DNAH6: variants seen among roughly 807,000 people sequenced by gnomAD.
DNAH6 encodes the protein axonemal beta dynein heavy chain 6.
Under a neutral mutation model 491.4 loss-of-function variants are expected in DNAH6, and 340 were observed. The observed-to-expected ratio is 0.69, with a 90% CI of 0.63 to 0.76. DNAH6 has a LOEUF of 0.76. Among genes scored for constraint, DNAH6 ranks in the 30% least tolerant of loss-of-function variants. The pLI is 0.00. For missense variants in DNAH6, 4,443 were observed against 4,972.2 expected (o/e 0.89, Z 3.20); for synonymous variants, 1,603 against 1,686.1 (o/e 0.95, Z 1.21).
rs570646522 is a variant in DNAH6 at position 84,681,695 on chromosome 2, A to G, written c.6916+167A>G. On this transcript the variant is annotated intron_variant, in intron 42 of 76. Coordinates refer to ENST00000389394, the MANE Select transcript of DNAH6 (RefSeq NM_001370.2). ...GCTTCACAACTATTTCACATGGCCA[A>G]CACTGCCTCCCATTTCTCACTCCCA... Among the ~76,000 whole-genome samples, 52 of 151,944 alleles carry G rather than the reference A, an allele frequency of 3.4e-4. No individual in the cohort carries two copies. In the South Asian group the frequency reaches 7.5e-3, roughly 22 times the overall value.
Position 84,704,090 on chromosome 2 carries a change from T to G in DNAH6, c.8253T>G (p.Asp2751Glu), listed in dbSNP as rs1484457981. 6.4e-7 allele frequency: 1 copy of G among 1,551,746 alleles called. No homozygotes were observed. Among genetic ancestry groups the G allele is most frequent in the South Asian group, 1.2e-5 (1 of 84,064 alleles). ...ADQVRNTVQE[D>E]EATAKVKAEE... ...AGGTCCGTAACACTGTGCAGGAGGA[T>G]GAAGCAACAGCAAAAGTCAAAGCTG... The change falls in exon 51 of 77, where the codon GAT (aspartate) becomes GAG (glutamate). Residue 2751 changes from aspartate to glutamate, a missense_variant. Around this residue, in one of 3 missense-constraint regions of DNAH6, gnomAD observed 2,977 missense variants for 3,296.6 expected, o/e 0.90. Coordinates refer to ENST00000389394, the MANE Select transcript of DNAH6 (RefSeq NM_001370.2).
chr2:84,617,665 C>T (rs150867736), intron 23 of DNAH6, among the ~76,000 whole-genome samples: 299 of 152,054 alleles, frequency 2.0e-3, no homozygotes, highest in African/African-American at 7.1e-3. Flanking sequence ...CATTGTTTTA[C>T]TGTTTTATTG....
rs1371289719 is a variant in DNAH6 at position 84,705,495 on chromosome 2, G to A, written c.8475G>A (p.Trp2825Ter). The change falls in exon 52 of 77, where the codon TGG becomes TGA. Residue 2825 changes from tryptophan (W) to a stop codon, truncating the protein, a stop_gained. Transcript: ENST00000389394. LOFTEE classifies it high-confidence loss of function. ...ISILLNAKPDWPSAKQLLGDS... is the reference protein window; with the variant it reads ...ISILLNAKPD ...CATGTCTGTCTTTCAGGCCTGATTG[G>A]CCATCAGCAAAGCAACTTCTTGGTG... 3.2e-6 allele frequency: 5 copies of A among 1,546,430 alleles called. No individual in the cohort carries two copies. Among genetic ancestry groups the A allele is most frequent in the African/African-American group, 1.4e-5 (1 of 72,612 alleles).
intron 17 of DNAH6, 94 bp from the exon 18 acceptor site, chr2:84,595,552 T>TCTCGGTGGTCG: frequency 8.8e-7 from 1 of 1,140,368 alleles, no homozygotes; most frequent in South Asian, 1.8e-5. Flanking sequence ...ATAGTGTAGA[T>TCTCGGTGGTCG]TTGGATTAAC....
At chr2:84,681,613 T>G in intron 42 of DNAH6, 85 bp downstream of exon 42, 1 of 1,255,954 alleles carries the variant, frequency 8.0e-7, no homozygotes, top group Non-Finnish European at 1.0e-6. Flanking sequence ...ATTGTATGTA[T>G]GCAGGTGTTG....
the DNAH6 span, among the ~76,000 whole-genome samples, chr2:84,496,161 T>C: frequency 2.6e-5 from 4 of 152,200 alleles, no homozygotes; most frequent in African/African-American, 9.7e-5. Context: ...ATGTCATTTC[T>C]TTTTATCAAA....
intron 4 of DNAH6, among the ~76,000 whole-genome samples, chr2:84,531,329 T>TACAACTGAGACATAGAAGAC (rs1677151090): frequency 2.1e-4 from 5 of 23,784 alleles, no homozygotes; most frequent in African/African-American, 2.6e-4. Flanking sequence ...ATTTTCCTTT[T>TACAACTGAGACATAGAAGAC]TTTTTTTATT....
intron 33 of DNAH6, 63 bp downstream of exon 33, chr2:84,642,117 T>A: frequency 9.5e-7 from 1 of 1,055,230 alleles, no homozygotes; most frequent in Non-Finnish European, 1.4e-6. Flanking sequence ...GGTAGTCTTT[T>A]CTTCAATTAT....
intron 3 of DNAH6, among the ~76,000 whole-genome samples, chr2:84,528,509 A>C (rs1230273923): frequency 6.6e-6 from 1 of 152,158 alleles, no homozygotes; most frequent in Non-Finnish European, 1.5e-5. Context: ...GAAGAGCATC[A>C]AGGTGGTCAG....
the DNAH6 span, among the ~76,000 whole-genome samples, chr2:84,461,084 G>T: frequency 1.3e-5 from 2 of 152,262 alleles, no homozygotes; most frequent in South Asian, 2.1e-4. Context: ...TAAGATAAGG[G>T]TAATCACCCC....
chr2:84,797,484 G>A (rs1678466413), intron 69 of DNAH6, 53 bp from the exon 70 acceptor site: 1 of 1,524,074 alleles, frequency 6.6e-7, no homozygotes, highest in Non-Finnish European at 8.8e-7. Context: ...AAACTTGGCA[G>A]TACAAAGCCA....
chr2:84,483,145 G>T, the DNAH6 span, among the ~76,000 whole-genome samples: 20 of 151,876 alleles, frequency 1.3e-4, no homozygotes, highest in Non-Finnish European at 2.2e-4. Context: ...ATTTTGGGGG[G>T]TAGATACGGG....
the DNAH6 span, among the ~76,000 whole-genome samples, chr2:84,471,906 A>G: frequency 6.6e-6 from 1 of 152,294 alleles, no homozygotes; most frequent in East Asian, 1.9e-4. Context: ...TGGGTCCACT[A>G]GATGCTGTGG....
At chr2:84,542,940 C>T in intron 4 of DNAH6, among the ~76,000 whole-genome samples, 1 of 152,174 alleles carries the variant, frequency 6.6e-6, no homozygotes, top group East Asian at 1.9e-4. Context: ...AGGGAGATCA[C>T]TTGAGGTTAG....
intron 76 of DNAH6, among the ~76,000 whole-genome samples, chr2:84,817,343 T>G (rs1363185017): frequency 1.3e-5 from 2 of 152,222 alleles, no homozygotes; most frequent in Admixed American, 6.5e-5. Flanking sequence ...TTCAAAGGGT[T>G]GAGGGAAAAT....
the DNAH6 span, among the ~76,000 whole-genome samples, chr2:84,504,956 C>T: frequency 6.6e-6 from 1 of 152,090 alleles, no homozygotes; most frequent in African/African-American, 2.4e-5. Context: ...GGGAGTATTG[C>T]CATCTTAATA....
At chr2:84,695,759 A>G (rs1454066574) in intron 46 of DNAH6, among the ~76,000 whole-genome samples, 1 of 152,024 alleles carries the variant, frequency 6.6e-6, no homozygotes. Context: ...GCTTATCTGT[A>G]GTTTCTGATT....
At chr2:84,727,599 A>G in intron 60 of DNAH6, 70 bp from the exon 61 acceptor site, 1 of 952,842 alleles carries the variant, frequency 1.0e-6, no homozygotes, top group South Asian at 1.5e-5. Flanking sequence ...CGAACAAGGG[A>G]GACAGATTTT....
intron 64 of DNAH6, among the ~76,000 whole-genome samples, chr2:84,769,188 T>G (rs1009088648): frequency 3.9e-5 from 6 of 152,202 alleles, no homozygotes; most frequent in African/African-American, 1.4e-4. Flanking sequence ...GAGCTGCGGA[T>G]CCAGCCGCTG....
Sources: allele counts gnomAD v4.1 joint callset (sites outside exome capture counted in the v4.1 genomes callset), GRCh38; gene constraint gnomAD v4.1.1; regional missense constraint gnomAD v4.1.1; transcripts MANE v1.5; gene names NCBI Gene and HGNC (gene_info 2026-07-23, HGNC 2026-07-21).